Variants in GABRB1 observed in about 807,000 individuals in gnomAD.
GABRB1 encodes gamma-aminobutyric acid type A receptor subunit beta1, also known as gamma-aminobutyric acid receptor subunit beta-1.
A neutral mutation model predicts 51.6 loss-of-function variants in GABRB1; 17 were observed. The ratio of observed to expected loss-of-function variants is 0.33; its 90% confidence interval spans 0.23 to 0.49. GABRB1 has a LOEUF of 0.49. GABRB1 is among the 20% of genes least tolerant of loss of function. The pLI is 0.99. For synonymous variants in GABRB1, 247 were observed against 218.9 expected (o/e 1.13, Z -1.14); for missense variants, 410 against 600.6 (o/e 0.68, Z 3.32).
At chr4:47,408,411 G>T (rs1377697843) in intron 8 of GABRB1, among the ~76,000 whole-genome samples, 2 of 152,134 alleles carry the variant, frequency 1.3e-5, no homozygotes, top group African/African-American at 4.8e-5. Flanking sequence ...AAATTTTCAG[G>T]GTGTATCTTC....
At chr4:47,001,390 C>T (rs1312724737) in intron 1 of GABRB1, among the ~76,000 whole-genome samples, 2 of 152,290 alleles carry the variant, frequency 1.3e-5, no homozygotes, top group East Asian at 1.9e-4. Context: ...GATTCTCCCG[C>T]CTTGGCCTCC....
chr4:47,389,899 C>T (rs62297825), intron 5 of GABRB1, among the ~76,000 whole-genome samples: 2,544 of 152,256 alleles, frequency 0.017, 26 homozygotes, highest in Non-Finnish European at 0.024. Context: ...GACCACTATG[C>T]TTATTTCAGT....
chr4:47,358,949 A>G (rs1456148794), intron 5 of GABRB1, among the ~76,000 whole-genome samples: 4 of 152,118 alleles, frequency 2.6e-5, no homozygotes, highest in Admixed American at 6.6e-5. Context: ...TAACCATAAC[A>G]CTATTGGAAG....
At chr4:47,115,194 A>T (rs1411589506) in intron 3 of GABRB1, among the ~76,000 whole-genome samples, 1 of 152,218 alleles carries the variant, frequency 6.6e-6, no homozygotes, top group Non-Finnish European at 1.5e-5. Context: ...ATTTATGCTG[A>T]TAGCTAATAC....
intron 1 of GABRB1, among the ~76,000 whole-genome samples, chr4:47,024,300 A>G (rs1032825351): frequency 1.1e-4 from 17 of 151,850 alleles, no homozygotes; most frequent in Admixed American, 7.2e-4. Context: ...AGGCTTGCTG[A>G]CTTTTTATTA....
intron 5 of GABRB1, among the ~76,000 whole-genome samples, chr4:47,374,009 A>G (rs929790421): frequency 2.0e-5 from 3 of 152,216 alleles, no homozygotes; most frequent in Admixed American, 2.0e-4. Context: ...TTTATTAATC[A>G]CAAATACTCA....
chr4:47,136,915 G>C (rs866061408), intron 3 of GABRB1, among the ~76,000 whole-genome samples: 5 of 152,032 alleles, frequency 3.3e-5, no homozygotes, highest in African/African-American at 1.2e-4. Flanking sequence ...ATAGCAAACA[G>C]TGTAGAAGGC....
chr4:47,309,752 A>T (rs1355863907), intron 4 of GABRB1, among the ~76,000 whole-genome samples: 2 of 152,190 alleles, frequency 1.3e-5, no homozygotes, highest in African/African-American at 4.8e-5. Context: ...AAAAGAAATT[A>T]ATAATAAAAC....
chr4:47,293,227 C>T (rs562492341), intron 4 of GABRB1, among the ~76,000 whole-genome samples: 10 of 152,168 alleles, frequency 6.6e-5, no homozygotes, highest in East Asian at 1.9e-4. Context: ...CCACAACCTC[C>T]GCCTCCCGGG....
chr4:47,003,690 AGAC>A (rs1187502196), intron 1 of GABRB1, among the ~76,000 whole-genome samples: 1 of 152,202 alleles, frequency 6.6e-6, no homozygotes, highest in African/African-American at 2.4e-5. Flanking sequence ...AGGCTCAGAG[AGAC>A]GACATGATTT....
At chr4:47,378,952 A>G (rs1010334321) in intron 5 of GABRB1, among the ~76,000 whole-genome samples, 1 of 152,160 alleles carries the variant, frequency 6.6e-6, no homozygotes, top group African/African-American at 2.4e-5. Context: ...TCTCTCCGTC[A>G]CACCAGAACT....
At chr4:47,343,925 A>C (rs1725994701) in intron 5 of GABRB1, among the ~76,000 whole-genome samples, 1 of 152,158 alleles carries the variant, frequency 6.6e-6, no homozygotes, top group Non-Finnish European at 1.5e-5. Flanking sequence ...AATGTCAAAG[A>C]CCTTGAACTC....
chr4:47,139,737 C>T (rs1716832999), intron 3 of GABRB1, among the ~76,000 whole-genome samples: 1 of 151,946 alleles, frequency 6.6e-6, no homozygotes. Flanking sequence ...TACTGTAGTG[C>T]TCTCAAACTT....
At chr4:47,367,531 T>C (rs1727021497) in intron 5 of GABRB1, among the ~76,000 whole-genome samples, 1 of 152,186 alleles carries the variant, frequency 6.6e-6, no homozygotes, top group South Asian at 2.1e-4. Context: ...AAAATGCTGG[T>C]AATTGATCTT....
chr4:47,224,719 G>A (rs901710004), intron 4 of GABRB1, among the ~76,000 whole-genome samples: 2 of 151,988 alleles, frequency 1.3e-5, no homozygotes, highest in African/African-American at 4.8e-5. Flanking sequence ...GCTCAGAGGA[G>A]GCTAACTAAA....
chr4:47,164,098 T>C (rs1718071970), intron 4 of GABRB1, among the ~76,000 whole-genome samples: 1 of 152,034 alleles, frequency 6.6e-6, no homozygotes, highest in Non-Finnish European at 1.5e-5. Context: ...ATTCACTCAC[T>C]ATCACAAGAA....
At chr4:47,288,278 A>G (rs1372042534) in intron 4 of GABRB1, among the ~76,000 whole-genome samples, 1 of 148,808 alleles carries the variant, frequency 6.7e-6, no homozygotes, top group Non-Finnish European at 1.5e-5. Context: ...TATTGTTATT[A>G]TTAAGATGGA....
chr4:47,158,603 C>T (rs955418702), intron 3 of GABRB1, among the ~76,000 whole-genome samples: 9 of 152,070 alleles, frequency 5.9e-5, no homozygotes, highest in Non-Finnish European at 1.3e-4. Flanking sequence ...CACATGTATT[C>T]CATTGTTGAC....
At chr4:47,021,564 G>A (rs144442736) in intron 1 of GABRB1, among the ~76,000 whole-genome samples, 1 of 152,078 alleles carries the variant, frequency 6.6e-6, no homozygotes, top group Non-Finnish European at 1.5e-5. Flanking sequence ...AATAATGTGC[G>A]GTCTTCTCTT....
Sources: gnomAD v4.1 joint callset for allele counts (sites outside exome capture counted in the v4.1 genomes callset) on GRCh38, gnomAD v4.1.1 for gene constraint, MANE v1.5 for transcripts, NCBI Gene and HGNC (gene_info 2026-07-23, HGNC 2026-07-21) for gene names.